Variants in RSPO4 observed in about 807,000 individuals in gnomAD.
RSPO4 encodes the protein R-spondin 4.
A neutral mutation model predicts 24.8 loss-of-function variants in RSPO4; 23 were observed. The ratio of observed to expected loss-of-function variants is 0.93; its 90% confidence interval spans 0.67 to 1.31. The LOEUF (loss-of-function observed/expected upper bound fraction) is 1.31, where lower values mean the gene tolerates loss of function less well. Ranked by LOEUF, RSPO4 falls within the 40% of genes most tolerant of loss-of-function variation. The pLI, the probability that RSPO4 is intolerant of heterozygous loss-of-function variation, is 0.00. For synonymous variants in RSPO4, 141 were observed against 127.4 expected (o/e 1.11, Z -0.72); for missense variants, 333 against 316.5 (o/e 1.05, Z -0.39).
Position 958,972 on chromosome 20 carries a change from T to G in RSPO4, c.*1385A>C, listed in dbSNP as rs892947519. On this transcript the variant is annotated 3_prime_UTR_variant, in exon 5 of 5. Coordinates refer to ENST00000217260, the MANE Select transcript of RSPO4 (RefSeq NM_001029871.4). ...GAAGGATAGGCAGTGAGGACAGACT[T>G]GCTTCCAAGCTGGGTCTGACCTGGA... The G allele has an allele frequency of 5.3e-5, 8 of 152,276 alleles. No homozygotes were observed. The highest frequency in any genetic ancestry group is 1.9e-4 in the African/African-American group (8 of 41,388). 9.4% of individuals were successfully genotyped at this position (152,276 alleles called of 1,614,324 possible).
chr20:967,957 C>T lies in RSPO4; in HGVS notation c.261G>A (p.Arg87=), dbSNP rs765124151. The change falls in exon 2 of 5, where the codon AGG becomes AGA. Residue 87 remains arginine, a synonymous_variant. Transcript: ENST00000217260. Reference sequence around the variant, plus strand: ...AAGGGAGAAGCCACGTACTTTTGCACCTGTTGACCTCCTGGCCGCGGATGC... The same window carrying T: ...AAGGGAGAAGCCACGTACTTTTGCATCTGTTGACCTCCTGGCCGCGGATGC... ...YFGIRGQEVN[R]CKKCGATCES... is the part of the protein sequence containing the mutation. 1.9e-6 allele frequency: 3 copies of T among 1,614,086 alleles called. No individual in the cohort carries two copies. In the South Asian group the frequency reaches 3.3e-5, roughly 18 times the overall value.
chr20:994,642 T>C (rs1985216212), intron 1 of RSPO4, among the ~76,000 whole-genome samples: 1 of 152,138 alleles, frequency 6.6e-6, no homozygotes, highest in African/African-American at 2.4e-5. Context: ...CTGCAACCTT[T>C]GCTTTCCAGG....
At chr20:965,631 G>A (rs1442344065) in intron 3 of RSPO4, among the ~76,000 whole-genome samples, 1 of 152,242 alleles carries the variant, frequency 6.6e-6, no homozygotes, top group Non-Finnish European at 1.5e-5. Flanking sequence ...TAGGCAGGGG[G>A]TGGCAAGAGG....
intron 1 of RSPO4, among the ~76,000 whole-genome samples, chr20:984,842 C>T (rs1984848415): frequency 6.6e-6 from 1 of 151,910 alleles, no homozygotes; most frequent in Admixed American, 6.6e-5. Context: ...CCACTGTTCA[C>T]CCATCCATCC....
chr20:987,231 G>T (rs932800957), intron 1 of RSPO4, among the ~76,000 whole-genome samples: 1 of 152,186 alleles, frequency 6.6e-6, no homozygotes, highest in Admixed American at 6.5e-5. Context: ...GCCCCTGTCT[G>T]GGTAGCCCAG....
At chr20:961,761 G>A (rs2122205464) in intron 4 of RSPO4, among the ~76,000 whole-genome samples, 1 of 152,098 alleles carries the variant, frequency 6.6e-6, no homozygotes, top group East Asian at 1.9e-4. Context: ...AGCTGCTCAT[G>A]TACCCATCCA....
At chr20:987,867 G>A (rs1984969993) in intron 1 of RSPO4, among the ~76,000 whole-genome samples, 5 of 152,188 alleles carry the variant, frequency 3.3e-5, no homozygotes, top group Admixed American at 2.6e-4. Context: ...ATTTATTGAG[G>A]GCCTACTATG....
At chr20:982,256 C>T (rs988640241) in intron 1 of RSPO4, among the ~76,000 whole-genome samples, 2 of 152,162 alleles carry the variant, frequency 1.3e-5, no homozygotes, top group African/African-American at 4.8e-5. Context: ...CTGTCCTGAG[C>T]ATGAAACTGT....
chr20:984,552 G>C (rs1984840577), intron 1 of RSPO4, among the ~76,000 whole-genome samples: 1 of 152,204 alleles, frequency 6.6e-6, no homozygotes, highest in Non-Finnish European at 1.5e-5. Flanking sequence ...AGGGGTGGCA[G>C]AGAGTTGGGA....
At chr20:985,292 T>A (rs547860782) in intron 1 of RSPO4, among the ~76,000 whole-genome samples, 2 of 146,166 alleles carry the variant, frequency 1.4e-5, no homozygotes, top group Non-Finnish European at 3.0e-5. Flanking sequence ...CATCTATCCA[T>A]CCATCCATCC....
At chr20:969,757 G>A (rs1403040588) in intron 1 of RSPO4, among the ~76,000 whole-genome samples, 1 of 151,482 alleles carries the variant, frequency 6.6e-6, no homozygotes, top group East Asian at 1.9e-4. Context: ...GGAGTAGGAG[G>A]TGGGGGAGAG....
intron 1 of RSPO4, among the ~76,000 whole-genome samples, chr20:976,884 T>C (rs1984582916): frequency 6.6e-6 from 1 of 152,186 alleles, no homozygotes; most frequent in Admixed American, 6.5e-5. Flanking sequence ...AAGCTGGAAT[T>C]TGAACTTCTC....
intron 4 of RSPO4, among the ~76,000 whole-genome samples, chr20:963,302 A>C (rs1282809676): frequency 6.6e-6 from 1 of 152,140 alleles, no homozygotes; most frequent in African/African-American, 2.4e-5. Context: ...TTGACTCATG[A>C]ATACCAATTG....
intron 1 of RSPO4, among the ~76,000 whole-genome samples, chr20:996,194 T>C (rs569540488): frequency 8.0e-5 from 12 of 150,302 alleles, no homozygotes; most frequent in Non-Finnish European, 1.5e-4. Context: ...CCCACTCTAT[T>C]TTAGTCAGTG....
At chr20:990,567 TC>T (rs200462430) in intron 1 of RSPO4, among the ~76,000 whole-genome samples, 3,221 of 151,796 alleles carry the variant, frequency 0.021, 112 homozygotes, top group African/African-American at 0.073. Flanking sequence ...TCTCAGTCTC[TC>T]TCTCTCTTTC....
At chr20:999,093 G>C (rs1046469181) in intron 1 of RSPO4, among the ~76,000 whole-genome samples, 1 of 151,510 alleles carries the variant, frequency 6.6e-6, no homozygotes, top group Non-Finnish European at 1.5e-5. Flanking sequence ...GGGCTGAAGC[G>C]ATCCTCCCAC....
chr20:994,936 C>T (rs983461414), intron 1 of RSPO4, among the ~76,000 whole-genome samples: 36 of 152,144 alleles, frequency 2.4e-4, no homozygotes, highest in Non-Finnish European at 4.0e-4. Flanking sequence ...CCAAGTCACG[C>T]GGGGGGAAAC....
intron 1 of RSPO4, among the ~76,000 whole-genome samples, chr20:968,359 A>G (rs558348841): frequency 6.6e-6 from 1 of 152,256 alleles, no homozygotes; most frequent in African/African-American, 2.4e-5. Context: ...ACTTCAAGAA[A>G]GCTGCCTTAA....
chr20:969,025 T>C (rs1396597749), intron 1 of RSPO4, among the ~76,000 whole-genome samples: 1 of 152,138 alleles, frequency 6.6e-6, no homozygotes, highest in Non-Finnish European at 1.5e-5. Context: ...AGTTAGGGAT[T>C]GTCAGCCTGG....
Sources: allele counts gnomAD v4.1 joint callset (sites outside exome capture counted in the v4.1 genomes callset), GRCh38; gene constraint gnomAD v4.1.1; transcripts MANE v1.5; gene names NCBI Gene and HGNC (gene_info 2026-07-23, HGNC 2026-07-21).